The following PLCL1 variants were observed in gnomAD, a reference collection of about 807,000 sequenced individuals.
PLCL1 encodes phospholipase C like 1 (inactive).
Under a neutral mutation model 84.4 loss-of-function variants are expected in PLCL1, and 41 were observed. The ratio of observed to expected loss-of-function variants is 0.49; its 90% CI spans 0.38 to 0.63. The LOEUF (loss-of-function observed/expected upper bound fraction) is 0.63. PLCL1 is among the 30% of genes least tolerant of loss of function. The pLI is 0.00. For missense variants in PLCL1, 1,206 were observed against 1,367.8 expected (o/e 0.88, Z 1.87); for synonymous variants, 490 against 488.3 (o/e 1.00, Z -0.05).
At position 198,024,068 on chromosome 2, in the gene PLCL1, T is replaced by TA. The variant is rs368930992; in HGVS notation, c.241-59683dup. 4.5e-3 allele frequency among the ~76,000 whole-genome samples: 679 copies of TA among 152,040 alleles called. 5 individuals are homozygous for TA. Among genetic ancestry groups the TA allele is most frequent in the African/African-American group, 0.016 (651 of 41,484 alleles). On this transcript the variant is annotated intron_variant, in intron 1 of 5. Coordinates refer to ENST00000428675, the MANE Select transcript of PLCL1 (RefSeq NM_006226.4). ...TACACCATGGAATACTATGCAGCCA[T>TA]AAAAAAAGAATGAGTTCATGTCCTT...
At chr2:198,024,373 T>C (rs1691212196) in intron 1 of PLCL1, among the ~76,000 whole-genome samples, 1 of 151,966 alleles carries the variant, frequency 6.6e-6, no homozygotes, top group African/African-American at 2.4e-5. Context: ...TTCTGCACAT[T>C]GTATCTCAGA....
chr2:198,032,804 A>G (rs894665246), intron 1 of PLCL1, among the ~76,000 whole-genome samples: 1 of 152,182 alleles, frequency 6.6e-6, no homozygotes, highest in East Asian at 1.9e-4. Flanking sequence ...ATAAAATATT[A>G]CTTGTTATCT....
chr2:197,820,358 T>C lies in PLCL1; in HGVS notation c.240+15019T>C, dbSNP rs144549551. Among the ~76,000 whole-genome samples, 646 of 152,232 alleles carry C rather than the reference T, an allele frequency of 4.2e-3. 6 individuals carry two copies. Among genetic ancestry groups the C allele is most frequent in the Middle Eastern group, 0.037 (11 of 294 alleles). ...CTTATAGTTCTAGAGTCATTTATTG[T>C]GTTCCTCTGTGCATTGTCAGTGTAA... On this transcript the variant is annotated intron_variant, in intron 1 of 5. Transcript: ENST00000428675.
chr2:197,858,263 A>G (rs994618692), intron 1 of PLCL1, among the ~76,000 whole-genome samples: 3 of 152,196 alleles, frequency 2.0e-5, no homozygotes, highest in African/African-American at 7.2e-5. Context: ...TGTGATCCCA[A>G]GGCAAGTGAC....
At chr2:198,104,475 A>G (rs1693422642) in intron 5 of PLCL1, among the ~76,000 whole-genome samples, 1 of 151,926 alleles carries the variant, frequency 6.6e-6, no homozygotes, top group East Asian at 1.9e-4. Flanking sequence ...ATGCTTTGCT[A>G]TTGTGAATAG....
chr2:197,858,296 T>C (rs886139797), intron 1 of PLCL1, among the ~76,000 whole-genome samples: 1 of 152,180 alleles, frequency 6.6e-6, no homozygotes, highest in Non-Finnish European at 1.5e-5. Context: ...GTAGCTCCTC[T>C]TGTAAAATAA....
intron 1 of PLCL1, among the ~76,000 whole-genome samples, chr2:197,867,583 C>T (rs569605199): frequency 6.6e-6 from 1 of 152,226 alleles, no homozygotes; most frequent in Non-Finnish European, 1.5e-5. Flanking sequence ...TAGTTCTGTG[C>T]ATGATCTTGT....
chr2:197,922,624 G>A (rs371539087), intron 1 of PLCL1, among the ~76,000 whole-genome samples: 16,322 of 107,062 alleles, frequency 0.15, 1,989 homozygotes, highest in East Asian at 0.32. Flanking sequence ...CGGACGGGGC[G>A]GCTGGCCGGG....
At chr2:198,089,808 A>G (rs1156808980) in intron 3 of PLCL1, among the ~76,000 whole-genome samples, 1 of 152,196 alleles carries the variant, frequency 6.6e-6, no homozygotes. Context: ...CTTACCCCCC[A>G]CCCAATAACA....
At chr2:197,955,917 A>G (rs954244061) in intron 1 of PLCL1, among the ~76,000 whole-genome samples, 1 of 151,880 alleles carries the variant, frequency 6.6e-6, no homozygotes. Context: ...CCCGTCATCT[A>G]GGTTTTAAGC....
At chr2:197,886,597 A>G (rs914408092) in intron 1 of PLCL1, among the ~76,000 whole-genome samples, 3 of 149,498 alleles carry the variant, frequency 2.0e-5, no homozygotes, top group South Asian at 2.1e-4. Flanking sequence ...AGGTTTGTGG[A>G]AAAAAAAATT....
intron 1 of PLCL1, among the ~76,000 whole-genome samples, chr2:197,923,905 C>T (rs542165309): frequency 4.0e-5 from 6 of 150,826 alleles, no homozygotes; most frequent in Non-Finnish European, 7.4e-5. Flanking sequence ...TCTGCAATCC[C>T]GGCACCTCGG....
intron 1 of PLCL1, among the ~76,000 whole-genome samples, chr2:197,872,085 A>T (rs1177491672): frequency 1.3e-5 from 2 of 152,200 alleles, no homozygotes; most frequent in Non-Finnish European, 2.9e-5. Flanking sequence ...AGTAACTCGG[A>T]CTAATATTTA....
intron 1 of PLCL1, among the ~76,000 whole-genome samples, chr2:198,006,245 T>C (rs1325469578): frequency 2.0e-5 from 3 of 152,202 alleles, no homozygotes; most frequent in African/African-American, 7.2e-5. Flanking sequence ...TGAGTGATAA[T>C]GGCATTAATT....
chr2:197,899,052 AT>A (rs2105734607), intron 1 of PLCL1, among the ~76,000 whole-genome samples: 1 of 152,206 alleles, frequency 6.6e-6, no homozygotes, highest in Non-Finnish European at 1.5e-5. Flanking sequence ...TTCAATATTC[AT>A]TGAGTGTCTA....
intron 1 of PLCL1, among the ~76,000 whole-genome samples, chr2:198,026,269 T>C (rs927487716): frequency 6.6e-6 from 1 of 152,234 alleles, no homozygotes; most frequent in Non-Finnish European, 1.5e-5. Flanking sequence ...TAGTAACTAA[T>C]ATGCATATAA....
chr2:197,835,185 T>C (rs536755454), intron 1 of PLCL1, among the ~76,000 whole-genome samples: 8 of 152,024 alleles, frequency 5.3e-5, no homozygotes, highest in Non-Finnish European at 1.0e-4. Flanking sequence ...TTAGGAGAAA[T>C]ACCTAATGTA....
chr2:197,841,934 T>C (rs773923984), intron 1 of PLCL1, among the ~76,000 whole-genome samples: 2 of 152,220 alleles, frequency 1.3e-5, no homozygotes, highest in Non-Finnish European at 2.9e-5. Context: ...CTTAGTTTTA[T>C]TGAAGACATG....
intron 1 of PLCL1, among the ~76,000 whole-genome samples, chr2:198,057,284 G>C (rs1692091289): frequency 6.6e-6 from 1 of 152,106 alleles, no homozygotes; most frequent in African/African-American, 2.4e-5. Flanking sequence ...AGGCATCCTA[G>C]GCTCTTGATG....
Sources: gnomAD v4.1 joint callset for allele counts (sites outside exome capture counted in the v4.1 genomes callset) on GRCh38, gnomAD v4.1.1 for gene constraint, MANE v1.5 for transcripts, NCBI Gene and HGNC (gene_info 2026-07-23, HGNC 2026-07-21) for gene names.